RBFOX3: variants seen among roughly 807,000 people sequenced by gnomAD.
RBFOX3 encodes the protein RNA binding protein fox-1 homolog 3.
A neutral mutation model predicts 48.7 loss-of-function variants in RBFOX3; 17 were observed. The ratio of observed to expected loss-of-function variants is 0.35; its 90% confidence interval spans 0.24 to 0.52. RBFOX3 has a LOEUF of 0.52. Ranked by LOEUF, RBFOX3 falls within the 20% of genes least tolerant of loss-of-function variation. The pLI, the probability that RBFOX3 is intolerant of heterozygous loss-of-function variation, is 0.94. For synonymous variants in RBFOX3, 212 were observed against 209.5 expected, an observed-to-expected ratio of 1.01 and a Z score of -0.10; for missense variants, 382 against 497.5, an observed-to-expected ratio of 0.77 and a Z score of 2.21.
chr17:79,216,107 G>A (rs556909944), intron 4 of RBFOX3, among the ~76,000 whole-genome samples: 1 of 152,372 alleles, frequency 6.6e-6, no homozygotes, highest in East Asian at 1.9e-4. Context: ...TTTGGAGCTG[G>A]AGACCAGGTT....
At chr17:79,259,100 C>A (rs1055780924) in intron 3 of RBFOX3, among the ~76,000 whole-genome samples, 2 of 152,250 alleles carry the variant, frequency 1.3e-5, no homozygotes, top group African/African-American at 4.8e-5. Context: ...TTCTGCCCTT[C>A]AGGCTAAACT....
intron 1 of RBFOX3, among the ~76,000 whole-genome samples, chr17:79,608,246 T>C (rs1448399496): frequency 6.6e-6 from 1 of 152,198 alleles, no homozygotes; most frequent in Non-Finnish European, 1.5e-5. Flanking sequence ...GGAAGGGCAG[T>C]GAATACTCCC....
At chr17:79,449,622 A>AACACACACACACACACACACACACAC (rs57480439) in intron 2 of RBFOX3, among the ~76,000 whole-genome samples, 3,226 of 144,514 alleles carry the variant, frequency 0.022, 95 homozygotes, top group Non-Finnish European at 0.033. Context: ...TGCACACATA[A>AACACACACACACACACACACACACAC]ACACACACAC....
intron 1 of RBFOX3, among the ~76,000 whole-genome samples, chr17:79,532,727 C>T (rs887783525): frequency 6.6e-6 from 1 of 152,220 alleles, no homozygotes; most frequent in African/African-American, 2.4e-5. Flanking sequence ...CCTTGCTGCC[C>T]TCACATCGCC....
intron 4 of RBFOX3, chr17:79,208,410 C>G (rs190224742): frequency 3.9e-5 from 6 of 152,294 alleles, no homozygotes; most frequent in Non-Finnish European, 8.8e-5. Flanking sequence ...GGGAGTCAGT[C>G]GGGAAGGTTG....
At chr17:79,110,944 G>A (rs1476910159) in intron 5 of RBFOX3, among the ~76,000 whole-genome samples, 2 of 151,954 alleles carry the variant, frequency 1.3e-5, no homozygotes, top group Non-Finnish European at 2.9e-5. Context: ...GGCCAGCCAC[G>A]GCCTACCCCT....
At chr17:79,179,265 G>A (rs939232749) in intron 4 of RBFOX3, among the ~76,000 whole-genome samples, 4 of 152,170 alleles carry the variant, frequency 2.6e-5, no homozygotes, top group African/African-American at 9.7e-5. Flanking sequence ...CCTGCCCCTC[G>A]GCGGAGCCTT....
At chr17:79,451,067 T>C (rs1555741353) in intron 2 of RBFOX3, among the ~76,000 whole-genome samples, 1 of 152,170 alleles carries the variant, frequency 6.6e-6, no homozygotes, top group Non-Finnish European at 1.5e-5. Flanking sequence ...CAGTGTTTTC[T>C]GTCCAGAAGT....
chr17:79,288,559 A>G (rs9889786), intron 3 of RBFOX3, among the ~76,000 whole-genome samples: 87,430 of 151,154 alleles, frequency 0.58, 25,479 homozygotes, highest in African/African-American at 0.63. Context: ...CGTGATGGGC[A>G]GTTTCCGTCC....
At chr17:79,119,506 G>A (rs2035105443) in intron 4 of RBFOX3, among the ~76,000 whole-genome samples, 1 of 152,144 alleles carries the variant, frequency 6.6e-6, no homozygotes, top group African/African-American at 2.4e-5. Flanking sequence ...TTGTAGCCCT[G>A]CCCAGGGTGG....
At chr17:79,591,217 C>A (rs2093406906) in intron 1 of RBFOX3, among the ~76,000 whole-genome samples, 1 of 152,074 alleles carries the variant, frequency 6.6e-6, no homozygotes, top group African/African-American at 2.4e-5. Context: ...GGGTCGGCAC[C>A]CATTGCCATG....
chr17:79,181,379 T>C (rs927340002), intron 4 of RBFOX3, among the ~76,000 whole-genome samples: 6 of 152,144 alleles, frequency 3.9e-5, no homozygotes, highest in Admixed American at 3.3e-4. Flanking sequence ...CCCAAGTCAG[T>C]CCTATGCTCA....
At chr17:79,376,669 G>A (rs73425308) in intron 2 of RBFOX3, among the ~76,000 whole-genome samples, 7,963 of 152,248 alleles carry the variant, frequency 0.052, 259 homozygotes, top group Non-Finnish European at 0.071. Context: ...AGCCAGGGCC[G>A]CACGGGGGCT....
intron 14 of RBFOX3, among the ~76,000 whole-genome samples, chr17:79,093,791 C>CCCCACACACA (rs112110060): frequency 4.9e-5 from 7 of 143,822 alleles, no homozygotes; most frequent in African/African-American, 1.3e-4. Context: ...CAACAGCTGG[C>CCCCACACACA]CACACACACA....
intron 1 of RBFOX3, among the ~76,000 whole-genome samples, chr17:79,579,862 G>C (rs1383709040): frequency 8.5e-6 from 1 of 117,514 alleles, no homozygotes; most frequent in African/African-American, 3.4e-5. Context: ...GGGGGTCACT[G>C]GCGCTGTGGT....
At chr17:79,185,649 G>C (rs1316172698) in intron 4 of RBFOX3, among the ~76,000 whole-genome samples, 1 of 152,194 alleles carries the variant, frequency 6.6e-6, no homozygotes, top group African/African-American at 2.4e-5. Flanking sequence ...CCAGGCTCCA[G>C]ATCCACCCTG....
chr17:79,106,457 C>T (rs905886007), intron 6 of RBFOX3, among the ~76,000 whole-genome samples, 194 bp downstream of exon 6: 4 of 151,896 alleles, frequency 2.6e-5, no homozygotes, highest in Admixed American at 6.5e-5. Context: ...TCCCCGCCAC[C>T]GTCCCAGCAG....
At chr17:79,148,725 C>G (rs1482950539) in intron 4 of RBFOX3, among the ~76,000 whole-genome samples, 1 of 152,202 alleles carries the variant, frequency 6.6e-6, no homozygotes, top group Non-Finnish European at 1.5e-5. Flanking sequence ...CGACTCTATC[C>G]CAGAAGCACA....
intron 1 of RBFOX3, among the ~76,000 whole-genome samples, chr17:79,531,470 C>A (rs1417561128): frequency 6.6e-6 from 1 of 152,216 alleles, no homozygotes; most frequent in South Asian, 2.1e-4. Context: ...AAATTTAGAA[C>A]GCGTGATGGC....
Sources: allele counts gnomAD v4.1 joint callset (sites outside exome capture counted in the v4.1 genomes callset), GRCh38; gene constraint gnomAD v4.1.1; transcripts MANE v1.5; gene names NCBI Gene and HGNC (gene_info 2026-07-23, HGNC 2026-07-21).